Variants in SRGAP1 observed in about 807,000 individuals in gnomAD.
SRGAP1 encodes SLIT-ROBO Rho GTPase activating protein 1.
Under a neutral mutation model 121.9 loss-of-function variants are expected in SRGAP1, and 43 were observed. The observed-to-expected ratio is 0.35, with a 90% CI of 0.28 to 0.46. The LOEUF is 0.46. SRGAP1 is among the 20% of genes least tolerant of loss of function. The pLI is 1.00. For missense variants in SRGAP1, 1,102 were observed against 1,350.9 expected, an observed-to-expected ratio of 0.82 and a Z score of 2.89; for synonymous variants, 447 against 485.4, an observed-to-expected ratio of 0.92 and a Z score of 1.04.
chr12:64,131,629 T>A (rs2036786353), intron 21 of SRGAP1, among the ~76,000 whole-genome samples: 1 of 152,198 alleles, frequency 6.6e-6, no homozygotes, highest in African/African-American at 2.4e-5. Flanking sequence ...CATGAGGCCA[T>A]CAGTGCAGCC....
At chr12:63,981,956 G>A (rs1275966134) in intron 1 of SRGAP1, among the ~76,000 whole-genome samples, 1 of 152,186 alleles carries the variant, frequency 6.6e-6, no homozygotes, top group African/African-American at 2.4e-5. Flanking sequence ...GCTCACGCCT[G>A]TAATCCCAGC....
At chr12:64,112,813 T>C (rs1592333099) in intron 17 of SRGAP1, among the ~76,000 whole-genome samples, 1 of 152,164 alleles carries the variant, frequency 6.6e-6, no homozygotes, top group East Asian at 1.9e-4. Context: ...TCACATGTTC[T>C]TACTCATATA....
intron 6 of SRGAP1, among the ~76,000 whole-genome samples, chr12:64,054,422 G>A (rs990363754): frequency 1.3e-5 from 2 of 151,960 alleles, no homozygotes; most frequent in Non-Finnish European, 2.9e-5. Context: ...TTGTGTCTTG[G>A]GACATGTGTT....
intron 8 of SRGAP1, among the ~76,000 whole-genome samples, chr12:64,070,947 A>G (rs1290580834): frequency 6.6e-6 from 1 of 152,160 alleles, no homozygotes; most frequent in Non-Finnish European, 1.5e-5. Flanking sequence ...TAAGATGTGA[A>G]GCCTGATAAC....
At position 64,161,948 on chromosome 12, in the gene SRGAP1, G is replaced by A. The variant is rs750737366; in HGVS notation, c.*19276G>A. On this transcript the variant is annotated 3_prime_UTR_variant, in exon 22 of 22. Coordinates refer to ENST00000355086, the MANE Select transcript of SRGAP1 (RefSeq NM_020762.4). ...ATGGGTAAACTGAAAACATTATTAC[G>A]TGAAATAAGCCAGTCATAAACCACA... 3 of 152,148 alleles carry A rather than the reference G, an allele frequency of 2.0e-5. No homozygotes were observed. The highest frequency in any genetic ancestry group is 4.4e-5 in the Non-Finnish European group (3 of 68,034). The allele number at this position is 152,148 out of a possible 1,614,324, so 9.4% of individuals were successfully genotyped here. A position where few individuals can be genotyped will look rare whatever the true frequency, so the allele number is the denominator to read the frequency against.
At chr12:63,919,425 C>T (rs2030941467) in intron 1 of SRGAP1, among the ~76,000 whole-genome samples, 1 of 148,622 alleles carries the variant, frequency 6.7e-6, no homozygotes, top group South Asian at 2.1e-4. Context: ...CTGCCTTGGC[C>T]TACCAAAGTG....
chr12:64,063,081 C>T lies in SRGAP1; in HGVS notation c.966C>T (p.Tyr322=), dbSNP rs1379545428. ...RSDKQRFMEM[Y]PAAFCPPMKF... ...ATAAGCAGAGATTCATGGAGATGTA[C>T]CCTGCTGCGTTCTGTCCACCAATGA... The change falls in exon 7 of 22, where the codon TAC becomes TAT. Residue 322 remains tyrosine (Y), a synonymous_variant. Transcript: ENST00000355086. The T allele has an allele frequency of 6.2e-7, 1 of 1,614,090 alleles. No homozygotes were observed. Among genetic ancestry groups the T allele is most frequent in the African/African-American group, 1.3e-5 (1 of 75,030 alleles).
intron 6 of SRGAP1, among the ~76,000 whole-genome samples, chr12:64,056,566 AAG>A (rs1555170207): frequency 1.3e-5 from 2 of 149,940 alleles, no homozygotes; most frequent in Admixed American, 6.6e-5. Flanking sequence ...AAAAAAAAAA[AAG>A]AGAGAAAGAA....
intron 4 of SRGAP1, among the ~76,000 whole-genome samples, chr12:64,023,239 T>A: frequency 6.9e-6 from 1 of 145,896 alleles, no homozygotes; most frequent in Non-Finnish European, 1.5e-5. Flanking sequence ...GAAGGTAACT[T>A]CCCTAAGAAA....
intron 1 of SRGAP1, among the ~76,000 whole-genome samples, chr12:63,971,503 G>A (rs953646654): frequency 6.6e-6 from 1 of 151,976 alleles, no homozygotes; most frequent in Admixed American, 6.6e-5. Flanking sequence ...TTCAGATTAT[G>A]CAGGTAAAAG....
chr12:63,930,886 A>G (rs572815422), intron 1 of SRGAP1, among the ~76,000 whole-genome samples: 3 of 152,308 alleles, frequency 2.0e-5, no homozygotes, highest in South Asian at 2.1e-4. Context: ...TTTCCCATAA[A>G]TGTTCAATTT....
chr12:63,857,523 A>G (rs1283469064), intron 1 of SRGAP1, among the ~76,000 whole-genome samples: 9 of 151,694 alleles, frequency 5.9e-5, no homozygotes, highest in Non-Finnish European at 1.0e-4. Context: ...CTGGTATTAC[A>G]GGTGTGCACC....
At chr12:63,912,946 T>TACAA (rs2136318404) in intron 1 of SRGAP1, among the ~76,000 whole-genome samples, 1 of 152,208 alleles carries the variant, frequency 6.6e-6, no homozygotes, top group South Asian at 2.1e-4. Context: ...CAACAACATT[T>TACAA]TAAATACCCA....
In SRGAP1 at chr12:64,087,057, G is replaced by A. The variant is rs574358480; in HGVS notation, c.1436+31G>A. Reference sequence around the variant, plus strand: ...AAAATATTTTATCATAACTTATAGCGTATTTTACTTTCTCTTTAACAAGAA... The same window carrying A: ...AAAATATTTTATCATAACTTATAGCATATTTTACTTTCTCTTTAACAAGAA... On this transcript the variant is annotated intron_variant, in intron 11 of 21. Coordinates refer to ENST00000355086, the MANE Select transcript of SRGAP1 (RefSeq NM_020762.4). 179 of 1,525,912 alleles carry A rather than the reference G, an allele frequency of 1.2e-4. No individual in the cohort carries two copies. In the South Asian group the frequency reaches 1.4e-3, roughly 12 times the overall value. 94.5% of individuals were successfully genotyped at this position (1,525,912 alleles called of 1,614,324 possible).
chr12:63,897,909 A>T (rs753820711), intron 1 of SRGAP1, among the ~76,000 whole-genome samples: 1 of 152,276 alleles, frequency 6.6e-6, no homozygotes, highest in Non-Finnish European at 1.5e-5. Flanking sequence ...TCAGAGAAAA[A>T]GAAGGCACAA....
At chr12:63,927,238 A>G (rs1032564560) in intron 1 of SRGAP1, among the ~76,000 whole-genome samples, 1 of 152,274 alleles carries the variant, frequency 6.6e-6, no homozygotes, top group East Asian at 1.9e-4. Flanking sequence ...CTACAGTTCT[A>G]GAACTTGCGC....
At chr12:63,906,317 T>C (rs1186629953) in intron 1 of SRGAP1, among the ~76,000 whole-genome samples, 1 of 152,172 alleles carries the variant, frequency 6.6e-6, no homozygotes, top group African/African-American at 2.4e-5. Context: ...GTTTCTGGTT[T>C]TTTTTGTTTT....
chr12:64,080,479 ACT>A (rs1318677687), intron 10 of SRGAP1, 109 bp downstream of exon 10: 4 of 960,218 alleles, frequency 4.2e-6, no homozygotes, highest in Non-Finnish European at 6.6e-6. Context: ...AGCAGAGGAC[ACT>A]CTGTGTTTAG....
chr12:64,061,558 T>C (rs1300332190), intron 6 of SRGAP1, among the ~76,000 whole-genome samples: 1 of 152,220 alleles, frequency 6.6e-6, no homozygotes, highest in African/African-American at 2.4e-5. Flanking sequence ...ACAATTCACA[T>C]ACTACACAGT....
Sources: gnomAD v4.1 joint callset for allele counts (sites outside exome capture counted in the v4.1 genomes callset) on GRCh38, gnomAD v4.1.1 for gene constraint, MANE v1.5 for transcripts, NCBI Gene and HGNC (gene_info 2026-07-23, HGNC 2026-07-21) for gene names.